Variants in RNF115 observed in about 807,000 individuals in gnomAD.
The protein encoded by RNF115 is E3 ubiquitin-protein ligase RNF115.
In RNF115, 31 loss-of-function variants were observed where a neutral mutation model predicts 39.2. The observed-to-expected ratio is 0.79, with a 90% CI of 0.59 to 1.07. The LOEUF (loss-of-function observed/expected upper bound fraction) is 1.07, where lower values mean the gene tolerates loss of function less well. RNF115 is among the 50% of genes least tolerant of loss of function. RNF115 has a pLI of 0.00. For synonymous variants in RNF115, 124 were observed against 131.0 expected, an observed-to-expected ratio of 0.95 and a Z score of 0.37; for missense variants, 384 against 381.7, an observed-to-expected ratio of 1.01 and a Z score of -0.05.
At chr1:145,786,985 T>C in intron 2 of RNF115, 1 of 1,034,146 alleles carries the variant, frequency 9.7e-7, no homozygotes, top group Non-Finnish European at 1.3e-6. Context: ...CACCAATCAT[T>C]AGTAAAGTAA....
chr1:145,803,983 G>A (rs9727911), intron 1 of RNF115, among the ~76,000 whole-genome samples: 2,370 of 152,280 alleles, frequency 0.016, 60 homozygotes, highest in African/African-American at 0.054. Context: ...CACACTAAAG[G>A]CAGCAAGAAA....
chr1:145,789,770 T>C (rs1450398514), intron 1 of RNF115, among the ~76,000 whole-genome samples: 1 of 136,568 alleles, frequency 7.3e-6, no homozygotes, highest in African/African-American at 2.8e-5. Context: ...AGTGCAATGG[T>C]GTGATCTCAG....
At chr1:145,779,835 G>C (rs1648045039) in intron 3 of RNF115, among the ~76,000 whole-genome samples, 1 of 151,058 alleles carries the variant, frequency 6.6e-6, no homozygotes, top group South Asian at 2.1e-4. Flanking sequence ...GCTAATTTTT[G>C]TATTTTTAGT....
intron 4 of RNF115, among the ~76,000 whole-genome samples, chr1:145,764,561 C>T (rs1433819828): frequency 4.0e-5 from 6 of 151,174 alleles, no homozygotes; most frequent in Admixed American, 3.9e-4. Context: ...CCCCTCCGCC[C>T]GGCAGCCGCC....
At chr1:145,777,311 T>G (rs1553716704) in intron 3 of RNF115, among the ~76,000 whole-genome samples, 2 of 152,186 alleles carry the variant, frequency 1.3e-5, no homozygotes, top group Non-Finnish European at 2.9e-5. Flanking sequence ...TAACATACTT[T>G]AGATGACTAT....
At chr1:145,812,506 A>G (rs1437607666) in intron 1 of RNF115, among the ~76,000 whole-genome samples, 1 of 151,262 alleles carries the variant, frequency 6.6e-6, no homozygotes, top group Non-Finnish European at 1.5e-5. Context: ...CTAAAAATAC[A>G]AAAATTAGCC....
chr1:145,788,725 T>C (rs1288841796), intron 2 of RNF115, 183 bp downstream of exon 2: 7 of 693,870 alleles, frequency 1.0e-5, no homozygotes, highest in African/African-American at 1.8e-5. Flanking sequence ...CATTTTTCTT[T>C]CTTTTTCCTC....
At chr1:145,777,655 C>T (rs1395319925) in intron 3 of RNF115, among the ~76,000 whole-genome samples, 1 of 151,914 alleles carries the variant, frequency 6.6e-6, no homozygotes, top group East Asian at 1.9e-4. Context: ...GTATTCAGGA[C>T]ACAGCTTACA....
intron 1 of RNF115, among the ~76,000 whole-genome samples, chr1:145,794,640 T>C (rs1648857870): frequency 6.6e-6 from 1 of 150,848 alleles, no homozygotes; most frequent in Non-Finnish European, 1.5e-5. Flanking sequence ...GTGTCCGGAA[T>C]TTATTCCTTC....
At chr1:145,777,823 T>C (rs1647952448) in intron 3 of RNF115, among the ~76,000 whole-genome samples, 1 of 152,144 alleles carries the variant, frequency 6.6e-6, no homozygotes, top group African/African-American at 2.4e-5. Flanking sequence ...GGGTGAACTA[T>C]TTACACATTC....
chr1:145,780,219 C>T (rs1283460910), intron 3 of RNF115, among the ~76,000 whole-genome samples: 1 of 151,584 alleles, frequency 6.6e-6, no homozygotes, highest in Non-Finnish European at 1.5e-5. Context: ...CAGAGCGAGA[C>T]CCCGTCTCAA....
chr1:145,771,958 C>CA, intron 3 of RNF115, 39 bp from the exon 4 acceptor site: 1 of 1,530,594 alleles, frequency 6.5e-7, no homozygotes, highest in Non-Finnish European at 9.0e-7. Flanking sequence ...TTAGAAAAAT[C>CA]AATCAATAAA....
In RNF115 at chr1:145,751,542, T is replaced by C. The variant is rs375744919; in HGVS notation, c.501-32A>G. On this transcript the variant is annotated intron_variant, in intron 5 of 8. Coordinates refer to ENST00000582693, the MANE Select transcript of RNF115 (RefSeq NM_014455.4). ...GTGAGATGAGATAGACAGCATTAGA[T>C]GGAGTGACCAGGCTCTGCCTTACAC... is the stretch of plus-strand genomic sequence containing the variant. 771 of 1,514,234 alleles carry C rather than the reference T, an allele frequency of 5.1e-4. 3 individuals carry two copies. Among genetic ancestry groups the C allele is most frequent in the Non-Finnish European group, 6.3e-4 (698 of 1,103,210 alleles). The allele number at this position is 1,514,234 out of a possible 1,614,324, so 93.8% of individuals were successfully genotyped here. A position where few individuals can be genotyped will look rare whatever the true frequency, so the allele number is the denominator to read the frequency against.
chr1:145,764,216 C>T (rs1451588289), intron 4 of RNF115, among the ~76,000 whole-genome samples: 1 of 152,226 alleles, frequency 6.6e-6, no homozygotes, highest in Admixed American at 6.5e-5. Context: ...TCACTCAGTG[C>T]TCAATGTTGC....
At chr1:145,772,583 A>T (rs1219282288) in intron 3 of RNF115, 1 of 152,204 alleles carries the variant, frequency 6.6e-6, no homozygotes, top group Non-Finnish European at 1.5e-5. Context: ...CCGCTAAGAA[A>T]TCAACAGAAA....
intron 4 of RNF115, among the ~76,000 whole-genome samples, chr1:145,754,909 G>A (rs1658240741): frequency 2.0e-5 from 3 of 151,976 alleles, no homozygotes; most frequent in African/African-American, 7.3e-5. Flanking sequence ...AATAGAATAT[G>A]GCAGAATTGA....
chr1:145,812,202 G>C (rs587645331), intron 1 of RNF115, among the ~76,000 whole-genome samples: 1 of 149,482 alleles, frequency 6.7e-6, no homozygotes, highest in African/African-American at 2.4e-5. Context: ...ACTTCTGGAA[G>C]ATGGTACTAT....
intron 5 of RNF115, 52 bp downstream of exon 5, chr1:145,752,926 C>A: frequency 7.7e-7 from 1 of 1,303,644 alleles, no homozygotes. Flanking sequence ...AATGACAGCA[C>A]CTAAAATATG....
chr1:145,797,742 C>A (rs1202060944), intron 1 of RNF115, among the ~76,000 whole-genome samples: 1 of 152,144 alleles, frequency 6.6e-6, no homozygotes, highest in Non-Finnish European at 1.5e-5. Context: ...CACAGTTGCA[C>A]CATTTTACAG....
Sources: gnomAD v4.1 joint callset for allele counts (sites outside exome capture counted in the v4.1 genomes callset) on GRCh38, gnomAD v4.1.1 for gene constraint, MANE v1.5 for transcripts, NCBI Gene and HGNC (gene_info 2026-07-23, HGNC 2026-07-21) for gene names.